The following HNRNPUL1 variants were observed in gnomAD, a reference collection of about 807,000 sequenced individuals.
HNRNPUL1 encodes heterogeneous nuclear ribonucleoprotein U-like protein 1.
A neutral mutation model predicts 108.5 loss-of-function variants in HNRNPUL1; 14 were observed. That is an observed-to-expected ratio of 0.13 (90% CI 0.09 to 0.20). HNRNPUL1 has a LOEUF of 0.20. Ranked by LOEUF, HNRNPUL1 falls within the 10% of genes least tolerant of loss-of-function variation. The probability of loss-of-function intolerance (pLI) is 1.00; values close to 1 mark genes in which losing one functional copy is unlikely to be tolerated. For missense variants in HNRNPUL1, 804 were observed against 1,168.3 expected (o/e 0.69, Z 4.55); for synonymous variants, 422 against 445.2 (o/e 0.95, Z 0.66).
At chr19:41,264,056 A>G (rs2034648502), upstream of HNRNPUL1, among the ~76,000 whole-genome samples, 1 of 152,218 alleles carries the variant, frequency 6.6e-6, no homozygotes. Context: ...TCATTCTGAG[A>G]TCTTACCGTT....
At chr19:41,283,541 C>G (rs921106112) in intron 7 of HNRNPUL1, among the ~76,000 whole-genome samples, 1 of 152,172 alleles carries the variant, frequency 6.6e-6, no homozygotes, top group Non-Finnish European at 1.5e-5. Flanking sequence ...CTGCAACCTC[C>G]GCTTCCTGGG....
At position 41,305,661 on chromosome 19, in the gene HNRNPUL1, C is replaced by T. The variant is rs750502390; in HGVS notation, c.2263-15C>T. On this transcript the variant is annotated splice_polypyrimidine_tract_variant and intron_variant, in intron 13 of 14. Transcript: ENST00000392006. ...TATTTCACAGAGCTTTGGCTTTTTT[C>T]CCTCCACTTTCCAGCCGAGTTACAG... 6.2e-7 allele frequency: 1 copy of T among 1,613,688 alleles called. No individual in the cohort carries two copies. The highest frequency in any genetic ancestry group is 8.5e-7 in the Non-Finnish European group (1 of 1,179,812).
At position 41,305,882 on chromosome 19, in the gene HNRNPUL1, G is replaced by T. The variant is rs2123021751; in HGVS notation, c.2454+15G>T. On this transcript the variant is annotated intron_variant, in intron 14 of 14. Transcript: ENST00000392006. ...AGTATCAGCAGGTAGGTGCCAGACT[G>T]GGGGCCAACTGGATGGAGAGACTTC... is the stretch of plus-strand genomic sequence containing the variant. The T allele has an allele frequency of 6.5e-7, 1 of 1,537,194 alleles. No individual in the cohort carries two copies. The highest frequency in any genetic ancestry group is 2.3e-5 in the East Asian group (1 of 44,022).
intron 7 of HNRNPUL1, among the ~76,000 whole-genome samples, chr19:41,288,710 G>C (rs2036402130): frequency 6.6e-6 from 1 of 152,178 alleles, no homozygotes; most frequent in South Asian, 2.1e-4. Flanking sequence ...TGGCTGTCTA[G>C]TATTCTGATG....
At chr19:41,265,709 G>A (rs974599662) in intron 1 of HNRNPUL1, among the ~76,000 whole-genome samples, 4 of 152,090 alleles carry the variant, frequency 2.6e-5, no homozygotes, top group Admixed American at 1.3e-4. Context: ...GGAGCTAACT[G>A]TGGGGTTTTT....
At chr19:41,305,573 G>A (rs779074796) in intron 13 of HNRNPUL1, 103 bp from the exon 14 acceptor site, 13 of 1,416,352 alleles carry the variant, frequency 9.2e-6, no homozygotes, top group Middle Eastern at 3.6e-4. Context: ...AAGGGCCCCT[G>A]TGGGCCAACC....
chr19:41,272,020 A>G lies in HNRNPUL1; in HGVS notation c.419-62A>G. On this transcript the variant is annotated intron_variant, in intron 2 of 14. Transcript: ENST00000392006. Reference sequence around the variant, plus strand: ...CACATCTCTCAAGGGAAAAGGGACCAGAAAAGTGATAGCTGGGGAGCTTGC... The same window carrying G: ...CACATCTCTCAAGGGAAAAGGGACCGGAAAAGTGATAGCTGGGGAGCTTGC... The G allele has an allele frequency of 1.9e-6, 3 of 1,576,098 alleles. No individual in the cohort carries two copies. The South Asian group carries it at 3.4e-5, about 18-fold the overall frequency.
chr19:41,271,565 G>T (rs1366054184), intron 2 of HNRNPUL1, among the ~76,000 whole-genome samples: 1 of 152,204 alleles, frequency 6.6e-6, no homozygotes, highest in Non-Finnish European at 1.5e-5. Context: ...TCTGTGGTTT[G>T]CTCTTGGTTA....
intron 10 of HNRNPUL1, among the ~76,000 whole-genome samples, chr19:41,296,345 G>T (rs1436658599): frequency 6.6e-6 from 1 of 152,210 alleles, no homozygotes; most frequent in Non-Finnish European, 1.5e-5. Context: ...CAGGGACAGG[G>T]TCTAGGGCTG....
chr19:41,303,356 T>C (rs2037352141), intron 12 of HNRNPUL1, among the ~76,000 whole-genome samples: 2 of 150,792 alleles, frequency 1.3e-5, no homozygotes, highest in Non-Finnish European at 3.0e-5. Context: ...TCTCATTTTT[T>C]TTTTTTTTTT....
At chr19:41,277,494 C>T (rs1241596519) in intron 5 of HNRNPUL1, among the ~76,000 whole-genome samples, 1 of 152,048 alleles carries the variant, frequency 6.6e-6, no homozygotes, top group Non-Finnish European at 1.5e-5. Flanking sequence ...GCAGTGTTTT[C>T]TTTTTTTGTT....
chr19:41,290,929 C>CTG (rs1446845502), intron 7 of HNRNPUL1, among the ~76,000 whole-genome samples: 1 of 152,188 alleles, frequency 6.6e-6, no homozygotes, highest in African/African-American at 2.4e-5. Flanking sequence ...TGGCACATGC[C>CTG]TGTAATCCCA....
At chr19:41,280,425 G>A (rs753623717) in intron 6 of HNRNPUL1, among the ~76,000 whole-genome samples, 23 of 151,974 alleles carry the variant, frequency 1.5e-4, no homozygotes, top group Non-Finnish European at 2.5e-4. Context: ...TTCCATATGT[G>A]TTAGCACTTT....
chr19:41,272,215 T>C lies in HNRNPUL1; in HGVS notation c.552T>C (p.Phe184=). ...AAGAAAACCGGGGACGGGGGTACTTTGAGCACCGAGAGGATAGGAGGTGGG... is the reference window on the plus strand; with the variant it reads ...AAGAAAACCGGGGACGGGGGTACTTCGAGCACCGAGAGGATAGGAGGTGGG... ...PYEENRGRGY[F]EHREDRRGRS... is the part of the protein sequence containing the mutation. The change falls in exon 3 of 15, where the codon TTT becomes TTC. Residue 184 remains phenylalanine, a synonymous_variant. Transcript: ENST00000392006. 1.2e-6 allele frequency: 2 copies of C among 1,613,840 alleles called. No homozygotes were observed. Among genetic ancestry groups the C allele is most frequent in the African/African-American group, 1.3e-5 (1 of 75,004 alleles).
intron 7 of HNRNPUL1, among the ~76,000 whole-genome samples, chr19:41,282,692 C>CTTT (rs57909999): frequency 7.1e-6 from 1 of 141,448 alleles, no homozygotes; most frequent in African/African-American, 2.6e-5. Context: ...TTCTTTTTTT[C>CTTT]TTTTTTTTTT....
rs142290954 is a variant in HNRNPUL1, at chr19:41,273,080, T to C, written c.572+845T>C. Among the ~76,000 whole-genome samples the C allele has an allele frequency of 5.9e-5, 9 of 152,352 alleles. No homozygotes were observed. In the South Asian group the frequency reaches 1.5e-3, roughly 25 times the overall value. On this transcript the variant is annotated intron_variant, in intron 3 of 14. Transcript: ENST00000392006. Reference sequence around the variant, plus strand: ...GTTAGGACATGGATCCCACCTCATATGGGGTTCTTCCACTGCCTCCCACAG... The same window carrying C: ...GTTAGGACATGGATCCCACCTCATACGGGGTTCTTCCACTGCCTCCCACAG...
Position 41,294,268 on chromosome 19 carries a change from C to CA in HNRNPUL1, c.1267-69dup. 1.9e-6 allele frequency: 3 copies of CA among 1,577,448 alleles called. No individual in the cohort carries two copies. Among genetic ancestry groups the CA allele is most frequent in the Non-Finnish European group, 2.6e-6 (3 of 1,154,248 alleles). On this transcript the variant is annotated intron_variant, in intron 8 of 14. Coordinates refer to ENST00000392006, the MANE Select transcript of HNRNPUL1 (RefSeq NM_007040.6). This position sits in a 1 kb window ranked among gnomAD's most constrained non-coding sequence, Gnocchi z 4.3. ...CAGCTCAGAGGTCCAGAGTCACACT[C>CA]ACAGTCACCACCGAGCCAAGTGGTG...
In HNRNPUL1 at chr19:41,276,180, A is replaced by G. The variant is rs150301101; in HGVS notation, c.668A>G (p.Lys223Arg). Residue 223 changes from lysine (K) to arginine (R), a missense_variant, in exon 5 of 15, where the codon AAG (lysine) becomes AGG (arginine). Around this residue, in one of 4 missense-constraint regions of HNRNPUL1, gnomAD observed 174 missense variants for 296.6 expected, o/e 0.59. Coordinates refer to ENST00000392006, the MANE Select transcript of HNRNPUL1 (RefSeq NM_007040.6). ...ACAGATAACTGCGACCTCCACTTCA[A>G]GGTGGCCCGAGATCGGAGTAGTGGC... ...IDTYNCDLHFKVARDRSSGYP... is the reference protein window; with the variant it reads ...IDTYNCDLHFRVARDRSSGYP... 3.1e-6 allele frequency: 5 copies of G among 1,613,890 alleles called. No homozygotes were observed. The African/African-American group carries it at 4.0e-5, about 13-fold the overall frequency.
chr19:41,281,109 A>G, intron 6 of HNRNPUL1, 54 bp from the exon 7 acceptor site: 2 of 1,085,068 alleles, frequency 1.8e-6, no homozygotes, highest in Non-Finnish European at 2.9e-6. Context: ...GCAGCCATTG[A>G]GGCTGTTATG....
Sources: allele counts gnomAD v4.1 joint callset (sites outside exome capture counted in the v4.1 genomes callset), GRCh38; gene constraint gnomAD v4.1.1; regional missense constraint gnomAD v4.1.1; non-coding constraint Gnocchi (gnomAD v3.1); transcripts MANE v1.5; gene names NCBI Gene and HGNC (gene_info 2026-07-23, HGNC 2026-07-21).